The following ESRRB variants were observed in gnomAD, a reference collection of about 807,000 sequenced individuals.
ESRRB encodes the protein steroid hormone receptor ERR2.
Under a neutral mutation model 46.0 loss-of-function variants are expected in ESRRB, and 16 were observed. The observed-to-expected ratio is 0.35, with a 90% CI of 0.24 to 0.53. The LOEUF (loss-of-function observed/expected upper bound fraction) is 0.53, where lower values mean the gene tolerates loss of function less well. ESRRB is among the 20% of genes least tolerant of loss of function. The probability of loss-of-function intolerance (pLI) is 0.93; values close to 1 mark genes in which losing one functional copy is unlikely to be tolerated. For synonymous variants in ESRRB, 246 were observed against 259.6 expected (o/e 0.95, Z 0.50); for missense variants, 488 against 607.4 (o/e 0.80, Z 2.07).
In ESRRB at chr14:76,500,652, A is replaced by C; in HGVS notation, c.*2194A>C. 1 of 1,611,032 alleles carries C rather than the reference A, an allele frequency of 6.2e-7. No homozygotes were observed. The highest frequency in any genetic ancestry group is 8.5e-7 in the Non-Finnish European group (1 of 1,177,480). ...GCTCAAGCTGGAGGACCCAGGCGGC[A>C]GGGCATCATGCCCAGCTGGCATCTG... On this transcript the variant is annotated 3_prime_UTR_variant, in exon 7 of 7. Transcript: ENST00000644823.
chr14:76,365,986 G>T (rs1195212921), intron 1 of ESRRB, among the ~76,000 whole-genome samples: 1 of 152,124 alleles, frequency 6.6e-6, no homozygotes, highest in Non-Finnish European at 1.5e-5. Context: ...GCAGACTATT[G>T]GTTGCCAACT....
chr14:76,440,605 A>C, intron 2 of ESRRB, among the ~76,000 whole-genome samples: 1 of 141,832 alleles, frequency 7.1e-6, no homozygotes, highest in African/African-American at 2.7e-5. Context: ...CTCTCTCTCA[A>C]CCCATCCTGT....
intron 1 of ESRRB, among the ~76,000 whole-genome samples, chr14:76,340,871 C>T (rs745404448): frequency 6.6e-6 from 1 of 152,160 alleles, no homozygotes; most frequent in Non-Finnish European, 1.5e-5. Context: ...TGCAGTGGAG[C>T]TGAACTGCAA....
chr14:76,337,250 G>A (rs1566855117), intron 1 of ESRRB, among the ~76,000 whole-genome samples: 1 of 152,186 alleles, frequency 6.6e-6, no homozygotes, highest in Admixed American at 6.5e-5. Flanking sequence ...AGACTCTCCT[G>A]GGGCTGAGGC....
In ESRRB at chr14:76,499,778, C is replaced by G; in HGVS notation, c.*1320C>G. The stretch of plus-strand genomic sequence containing the variant: ...CTCCTCTACCCCAGGCACACGGGGA[C>G]AGTGGGTCACTCTATTTCTGTGGAT... On this transcript the variant is annotated 3_prime_UTR_variant, in exon 7 of 7. Transcript: ENST00000644823. The G allele has an allele frequency of 1.7e-6, 2 of 1,148,758 alleles. No individual in the cohort carries two copies. Among genetic ancestry groups the G allele is most frequent in the South Asian group, 2.5e-5 (2 of 81,234 alleles). 71.2% of individuals were successfully genotyped at this position (1,148,758 alleles called of 1,614,324 possible). A position where few individuals can be genotyped will look rare whatever the true frequency, so the allele number is the denominator to read the frequency against.
chr14:76,363,703 C>G (rs1202643827), intron 1 of ESRRB, among the ~76,000 whole-genome samples: 2 of 152,170 alleles, frequency 1.3e-5, no homozygotes, highest in Admixed American at 1.3e-4. Flanking sequence ...TCCTCTTATC[C>G]ATCAATTGGT....
At chr14:76,471,197 A>G (rs1024833005) in intron 3 of ESRRB, among the ~76,000 whole-genome samples, 12 of 152,188 alleles carry the variant, frequency 7.9e-5, no homozygotes, top group Non-Finnish European at 1.6e-4. Context: ...AATGTATTTC[A>G]GATTCTCCTA....
intron 1 of ESRRB, among the ~76,000 whole-genome samples, chr14:76,387,199 G>C (rs1313803872): frequency 6.6e-6 from 1 of 152,126 alleles, no homozygotes; most frequent in East Asian, 1.9e-4. Context: ...GGATGAACCG[G>C]GTCTCGCCAA....
At chr14:76,384,728 G>C (rs1476080174) in intron 1 of ESRRB, among the ~76,000 whole-genome samples, 1 of 152,186 alleles carries the variant, frequency 6.6e-6, no homozygotes, top group Non-Finnish European at 1.5e-5. Context: ...TGACAGGTTT[G>C]CAGACCAAAG....
At chr14:76,369,425 C>A (rs550253913), upstream of ESRRB, among the ~76,000 whole-genome samples, 4 of 151,736 alleles carry the variant, frequency 2.6e-5, no homozygotes, top group East Asian at 6.0e-4. Context: ...AGGCACACAC[C>A]ACAGTGTGTG....
intron 3 of ESRRB, among the ~76,000 whole-genome samples, chr14:76,472,537 T>C (rs1889414005): frequency 6.6e-6 from 1 of 152,214 alleles, no homozygotes; most frequent in Non-Finnish European, 1.5e-5. Context: ...TTACGGTGTG[T>C]CACTGGGGTA....
intron 1 of ESRRB, among the ~76,000 whole-genome samples, chr14:76,398,222 G>A (rs1024506904): frequency 6.6e-6 from 1 of 152,168 alleles, no homozygotes; most frequent in Non-Finnish European, 1.5e-5. Context: ...TGCAAAGTAG[G>A]CACTTGCATT....
At chr14:76,424,213 CTGT>C (rs1887100074) in intron 1 of ESRRB, among the ~76,000 whole-genome samples, 2 of 152,330 alleles carry the variant, frequency 1.3e-5, no homozygotes, top group African/African-American at 2.4e-5. Context: ...TATGTGAGCA[CTGT>C]TGTTGTTACA....
At chr14:76,324,630 A>G (rs968947965) in intron 1 of ESRRB, among the ~76,000 whole-genome samples, 1 of 152,188 alleles carries the variant, frequency 6.6e-6, no homozygotes, top group Admixed American at 6.5e-5. Context: ...GGCTACAAAG[A>G]CAGGGATTCT....
chr14:76,500,366 C>T lies in ESRRB; in HGVS notation c.*1908C>T, dbSNP rs1433985602. On this transcript the variant is annotated 3_prime_UTR_variant, in exon 7 of 7. Coordinates refer to ENST00000644823, the MANE Select transcript of ESRRB (RefSeq NM_001379180.1). ...ACTGGAGCCGTTACCCAGGATGCTG[C>T]GGCCCTAGCCCTCCATGCAGCCCAT... The T allele has an allele frequency of 1.4e-5, 8 of 582,378 alleles. No homozygotes were observed. The highest frequency in any genetic ancestry group is 4.5e-4 in the Middle Eastern group (1 of 2,206). The allele number at this position is 582,378 out of a possible 1,614,324, so 36.1% of individuals were successfully genotyped here.
intron 3 of ESRRB, among the ~76,000 whole-genome samples, chr14:76,477,943 A>G (rs1358270006): frequency 1.3e-5 from 2 of 152,164 alleles, no homozygotes; most frequent in Non-Finnish European, 2.9e-5. Context: ...AGTTTTTCTT[A>G]TTTGTAAAAT....
At chr14:76,389,361 C>T (rs1246532251) in intron 1 of ESRRB, among the ~76,000 whole-genome samples, 1 of 152,186 alleles carries the variant, frequency 6.6e-6, no homozygotes, top group Non-Finnish European at 1.5e-5. Context: ...TCTCCTAGAT[C>T]ATGAGGTCCT....
At chr14:76,342,117 T>G (rs1361788221) in intron 1 of ESRRB, among the ~76,000 whole-genome samples, 2 of 152,110 alleles carry the variant, frequency 1.3e-5, no homozygotes, top group Non-Finnish European at 1.5e-5. Context: ...AAGTCTCACC[T>G]CAAAGACATC....
rs973336112 is a variant in ESRRB, at chr14:76,451,812, T to A, written c.461-10733T>A. ...TAATTTTTTTTTTTTTTTTTTTTTT[T>A]AGTAAAGACAGGGTTTCACTGTGTT... On this transcript the variant is annotated intron_variant, in intron 2 of 6. Coordinates refer to ENST00000644823, the MANE Select transcript of ESRRB (RefSeq NM_001379180.1). 2.5e-3 allele frequency among the ~76,000 whole-genome samples: 364 copies of A among 144,758 alleles called. 1 individual carries two copies. The highest frequency in any genetic ancestry group is 3.5e-3 in the Non-Finnish European group (229 of 66,208). The allele number at this position is 144,758 out of a possible 152,430, so 95.0% of individuals were successfully genotyped here.
Sources: allele counts gnomAD v4.1 joint callset (sites outside exome capture counted in the v4.1 genomes callset), GRCh38; gene constraint gnomAD v4.1.1; transcripts MANE v1.5; gene names NCBI Gene and HGNC (gene_info 2026-07-23, HGNC 2026-07-21).